Variants in CMC2 observed in about 807,000 individuals in gnomAD.
CMC2 encodes C-X9-C motif containing 2.
In CMC2, 5 loss-of-function variants were observed where a neutral mutation model predicts 7.5. The ratio of observed to expected loss-of-function variants is 0.66; its 90% CI spans 0.35 to 1.40. The LOEUF (loss-of-function observed/expected upper bound fraction) is 1.40. Among genes scored for constraint, CMC2 ranks in the 40% most tolerant of loss-of-function variants. The pLI, the probability that CMC2 is intolerant of heterozygous loss-of-function variation, is 0.04. For missense variants in CMC2, 115 were observed against 92.3 expected (o/e 1.25, Z -1.01); for synonymous variants, 37 against 31.4 (o/e 1.18, Z -0.60).
Position 80,968,290 on chromosome 16 carries a change from G to C in CMC2, c.*7803C>G, listed in dbSNP as rs1360858362. ...TTACTATGTTGCCCAAGCTGGTCTTGAACTCCCTGGCCTCAAGCAATTCTC... is the reference window on the plus strand; with the variant it reads ...TTACTATGTTGCCCAAGCTGGTCTTCAACTCCCTGGCCTCAAGCAATTCTC... On this transcript the variant is annotated 3_prime_UTR_variant, in exon 4 of 4. Coordinates refer to ENST00000219400, the MANE Select transcript of CMC2 (RefSeq NM_020188.5). 1 of 152,056 alleles carries C rather than the reference G, an allele frequency of 6.6e-6. No homozygotes were observed. The highest frequency in any genetic ancestry group is 3.2e-3 in the Middle Eastern group (1 of 316). The allele number at this position is 152,056 out of a possible 1,614,324, so 9.4% of individuals were successfully genotyped here. A position where few individuals can be genotyped will look rare whatever the true frequency, so the allele number is the denominator to read the frequency against.
chr16:80,995,350 C>A (rs1968326024), intron 2 of CMC2, among the ~76,000 whole-genome samples: 1 of 149,024 alleles, frequency 6.7e-6, no homozygotes, highest in South Asian at 2.2e-4. Context: ...TATCATGGTG[C>A]AAAATATAGG....
chr16:80,978,483 G>T (rs544494651), intron 3 of CMC2: 1 of 813,946 alleles, frequency 1.2e-6, no homozygotes. Context: ...AATACAGACA[G>T]AATGAAAGGC....
intron 2 of CMC2, among the ~76,000 whole-genome samples, chr16:80,989,197 T>G (rs1028736485): frequency 6.6e-6 from 1 of 152,238 alleles, no homozygotes; most frequent in East Asian, 1.9e-4. Context: ...CTCAAACTTT[T>G]CACCCACTAG....
chr16:80,988,126 G>A (rs1187938712), intron 2 of CMC2, among the ~76,000 whole-genome samples: 4 of 152,172 alleles, frequency 2.6e-5, no homozygotes, highest in African/African-American at 9.7e-5. Flanking sequence ...CAAGGCTGCT[G>A]TGAACTTTGA....
chr16:80,993,929 A>G (rs1231146260), intron 2 of CMC2, among the ~76,000 whole-genome samples: 1 of 152,248 alleles, frequency 6.6e-6, no homozygotes, highest in East Asian at 1.9e-4. Flanking sequence ...GAGGATTTAT[A>G]CTATATGACT....
intron 2 of CMC2, chr16:80,991,794 TTA>T: frequency 2.7e-6 from 1 of 370,178 alleles, no homozygotes; most frequent in Non-Finnish European, 5.4e-6. Flanking sequence ...CCCAATCCAA[TTA>T]TGAGGAAAAC....
intron 2 of CMC2, among the ~76,000 whole-genome samples, chr16:80,989,641 C>T (rs373202991): frequency 6.6e-6 from 1 of 152,074 alleles, no homozygotes; most frequent in African/African-American, 2.4e-5. Context: ...GTTACGTATG[C>T]TCATTGCTAC....
intron 1 of CMC2, among the ~76,000 whole-genome samples, chr16:81,005,232 C>G (rs887280604): frequency 6.6e-6 from 1 of 152,120 alleles, no homozygotes; most frequent in Non-Finnish European, 1.5e-5. Flanking sequence ...ACAAGCCTGG[C>G]CAACATGGTG....
chr16:80,990,693 G>C (rs2549848), intron 2 of CMC2, among the ~76,000 whole-genome samples: 99,086 of 151,988 alleles, frequency 0.65, 34,045 homozygotes, highest in South Asian at 0.8. Context: ...TATCCTGGAA[G>C]TCATTACATG....
At position 80,997,114 on chromosome 16, in the gene CMC2, T is replaced by C; in HGVS notation, c.81+200A>G. ...ACGTTCCCTAACAAACTACCATGTC[T>C]GATTTTTACTAATCATAAAAGGAGG... is the stretch of plus-strand genomic sequence containing the variant. On this transcript the variant is annotated intron_variant, in intron 2 of 3. Transcript: ENST00000219400. 5.1e-6 allele frequency: 3 copies of C among 585,096 alleles called. No homozygotes were observed. The Middle Eastern group carries it at 7.9e-4, about 155-fold the overall frequency. 36.2% of individuals were successfully genotyped at this position (585,096 alleles called of 1,614,324 possible).
intron 1 of CMC2, among the ~76,000 whole-genome samples, chr16:81,000,209 G>T (rs527894869): frequency 1.3e-3 from 193 of 152,244 alleles, no homozygotes; most frequent in African/African-American, 4.5e-3. Context: ...TTAAAAAGTG[G>T]GCAAAAGGCT....
At chr16:81,000,374 T>C (rs1968768928) in intron 1 of CMC2, among the ~76,000 whole-genome samples, 1 of 152,092 alleles carries the variant, frequency 6.6e-6, no homozygotes, top group Non-Finnish European at 1.5e-5. Context: ...CGGGCGCCTG[T>C]AGTCCCAGCT....
intron 3 of CMC2, among the ~76,000 whole-genome samples, chr16:80,977,782 C>T (rs1295613496): frequency 5.9e-5 from 9 of 152,132 alleles, no homozygotes; most frequent in Non-Finnish European, 2.9e-5. Context: ...TGTCAAAAGG[C>T]TACTTCAGGC....
rs1450140230 is a variant in CMC2 at position 80,966,877 on chromosome 16, G to C, written c.*9216C>G. ...TTGTATAGATTCATGGTATACCTTTGTGTAAATGCATCATTGTTTATTTAA... is the reference window on the plus strand; with the variant it reads ...TTGTATAGATTCATGGTATACCTTTCTGTAAATGCATCATTGTTTATTTAA... On this transcript the variant is annotated 3_prime_UTR_variant, in exon 4 of 4. Transcript: ENST00000219400. 2.0e-5 allele frequency: 3 copies of C among 147,572 alleles called. No homozygotes were observed. The highest frequency in any genetic ancestry group is 7.9e-5 in the African/African-American group (3 of 38,076). The allele number at this position is 147,572 out of a possible 1,614,324, so 9.1% of individuals were successfully genotyped here.
At chr16:80,987,970 G>C (rs1293255213) in intron 2 of CMC2, among the ~76,000 whole-genome samples, 1 of 151,812 alleles carries the variant, frequency 6.6e-6, no homozygotes, top group Admixed American at 6.6e-5. Context: ...GAAGCCAGGA[G>C]TTTGAGATGA....
At chr16:80,990,690 G>T (rs1186744304) in intron 2 of CMC2, among the ~76,000 whole-genome samples, 2 of 151,982 alleles carry the variant, frequency 1.3e-5, no homozygotes, top group Non-Finnish European at 2.9e-5. Context: ...ATATATCCTG[G>T]AAGTCATTAC....
chr16:80,986,312 T>C (rs371090122), intron 2 of CMC2, among the ~76,000 whole-genome samples: 41 of 152,204 alleles, frequency 2.7e-4, no homozygotes, highest in East Asian at 2.3e-3. Context: ...ATCATGCCAC[T>C]ACACTCCAGC....
rs1044194474 is a variant in CMC2, at chr16:80,969,796, A to C, written c.*6297T>G. On this transcript the variant is annotated 3_prime_UTR_variant, in exon 4 of 4. Transcript: ENST00000219400. The stretch of plus-strand genomic sequence containing the variant: ...TCCCAGCTACTTGGGAGGCTGAGGC[A>C]CAAGAATCACTTGAACCCAGGCAGC... The C allele has an allele frequency of 6.8e-6, 1 of 146,050 alleles. No homozygotes were observed. The highest frequency in any genetic ancestry group is 2.1e-4 in the South Asian group (1 of 4,780). The allele number at this position is 146,050 out of a possible 1,614,324, so 9.0% of individuals were successfully genotyped here. A position where few individuals can be genotyped will look rare whatever the true frequency, so the allele number is the denominator to read the frequency against.
At chr16:80,979,118 T>C (rs1262325983) in intron 3 of CMC2, among the ~76,000 whole-genome samples, 1 of 151,808 alleles carries the variant, frequency 6.6e-6, no homozygotes, top group East Asian at 1.9e-4. Context: ...TGGAATGAAG[T>C]AATCAGATGA....
Sources: gnomAD v4.1 joint callset for allele counts (sites outside exome capture counted in the v4.1 genomes callset) on GRCh38, gnomAD v4.1.1 for gene constraint, MANE v1.5 for transcripts, NCBI Gene and HGNC (gene_info 2026-07-23, HGNC 2026-07-21) for gene names.